The following ARHGEF3 variants were observed in gnomAD, a reference collection of about 807,000 sequenced individuals.
ARHGEF3 encodes Rho guanine nucleotide exchange factor 3.
ARHGEF3 carries 28 observed loss-of-function variants against 63.2 expected under a neutral mutation model. The observed-to-expected ratio is 0.44, with a 90% CI of 0.33 to 0.61. The LOEUF (loss-of-function observed/expected upper bound fraction) is 0.61. ARHGEF3 is among the 20% of genes least tolerant of loss of function. The pLI is 0.03. For synonymous variants in ARHGEF3, 266 were observed against 254.2 expected, an observed-to-expected ratio of 1.05 and a Z score of -0.44; for missense variants, 533 against 659.3, an observed-to-expected ratio of 0.81 and a Z score of 2.10.
chr3:56,988,416 C>T (rs981366484), intron 2 of ARHGEF3, among the ~76,000 whole-genome samples: 1 of 151,948 alleles, frequency 6.6e-6, no homozygotes, highest in African/African-American at 2.4e-5. Flanking sequence ...CAAAGTGCTG[C>T]GATTACAGGC....
chr3:56,828,711 C>T (rs1470461979), intron 4 of ARHGEF3, among the ~76,000 whole-genome samples: 1 of 152,134 alleles, frequency 6.6e-6, no homozygotes, highest in East Asian at 1.9e-4. Context: ...AGAACTGACT[C>T]TGGTCCAGCA....
chr3:56,827,440 C>T (rs1005402552), intron 4 of ARHGEF3, among the ~76,000 whole-genome samples: 22 of 152,148 alleles, frequency 1.4e-4, no homozygotes, highest in Admixed American at 8.5e-4. Context: ...CACTTTCTTG[C>T]TTGTGACCTG....
intron 2 of ARHGEF3, chr3:57,035,080 A>G: frequency 2.0e-6 from 3 of 1,538,384 alleles, no homozygotes; most frequent in Non-Finnish European, 2.6e-6. Flanking sequence ...TTATTTGATT[A>G]TTTTTACCTT....
At chr3:56,998,876 C>T (rs765192532) in intron 2 of ARHGEF3, among the ~76,000 whole-genome samples, 1 of 152,180 alleles carries the variant, frequency 6.6e-6, no homozygotes, top group African/African-American at 2.4e-5. Context: ...CCTTTAAGCA[C>T]GTTTTGCTGT....
chr3:56,819,639 G>A (rs2038398561), intron 4 of ARHGEF3, among the ~76,000 whole-genome samples: 1 of 151,658 alleles, frequency 6.6e-6, no homozygotes, highest in African/African-American at 2.4e-5. Context: ...AGCCTCCTGA[G>A]TAGCTGGGAC....
At chr3:57,038,187 G>A (rs547343266) in intron 1 of ARHGEF3, among the ~76,000 whole-genome samples, 6 of 152,304 alleles carry the variant, frequency 3.9e-5, no homozygotes, top group South Asian at 4.1e-4. Flanking sequence ...TGTTTCTCCC[G>A]ACTGTGGCAT....
chr3:56,925,447 T>C (rs1315038640), intron 3 of ARHGEF3, among the ~76,000 whole-genome samples: 4 of 152,214 alleles, frequency 2.6e-5, no homozygotes, highest in African/African-American at 9.6e-5. Flanking sequence ...TATAGGACCA[T>C]GCCTTATACC....
At chr3:56,898,631 T>G (rs533164471) in intron 3 of ARHGEF3, 1 of 268,906 alleles carries the variant, frequency 3.7e-6, no homozygotes, top group East Asian at 1.4e-4. Flanking sequence ...GGGTGATCCC[T>G]GGAAGAACTG....
intron 4 of ARHGEF3, among the ~76,000 whole-genome samples, chr3:56,831,060 C>T (rs1487148388): frequency 6.6e-6 from 1 of 152,168 alleles, no homozygotes; most frequent in Admixed American, 6.5e-5. Context: ...AGATCTTGTC[C>T]CTCATGTTTG....
chr3:57,017,030 TCTCACACACA>T (rs1173325109), intron 2 of ARHGEF3, among the ~76,000 whole-genome samples: 72 of 67,800 alleles, frequency 1.1e-3, no homozygotes, highest in African/African-American at 2.9e-3. Context: ...TCTCTCTCTC[TCTCACACACA>T]CACACACACA....
intron 4 of ARHGEF3, among the ~76,000 whole-genome samples, chr3:56,817,743 T>C (rs2038324928): frequency 6.6e-6 from 1 of 152,188 alleles, no homozygotes; most frequent in African/African-American, 2.4e-5. Flanking sequence ...ATCACACAGC[T>C]ACTAAATAGC....
chr3:56,994,644 G>A lies in ARHGEF3; in HGVS notation c.63-35755C>T, dbSNP rs530782661. Among the ~76,000 whole-genome samples, 21 of 152,070 alleles carry A rather than the reference G, an allele frequency of 1.4e-4. No individual in the cohort carries two copies. The South Asian group carries it at 3.5e-3, about 26-fold the overall frequency. ...TTAATTGTCTCAAGATACTAGCAAC[G>A]GTATGGATGGGTAATCTTTTCATAT... is the stretch of plus-strand genomic sequence containing the variant. On this transcript the variant is annotated intron_variant, in intron 2 of 12. Transcript: ENST00000338458.
At chr3:56,792,112 A>AG (rs1308498320) in intron 1 of ARHGEF3, among the ~76,000 whole-genome samples, 3 of 141,878 alleles carry the variant, frequency 2.1e-5, no homozygotes, top group African/African-American at 8.8e-5. Context: ...TCAAAAAAAA[A>AG]AAAAAGAAAA....
At position 56,757,389 on chromosome 3, in the gene ARHGEF3, G is replaced by A. The variant is rs562533753; in HGVS notation, c.205-2238C>T. Among the ~76,000 whole-genome samples, 4 of 152,108 alleles carry A rather than the reference G, an allele frequency of 2.6e-5. No individual in the cohort carries two copies. The South Asian group carries it at 6.2e-4, about 24-fold the overall frequency. The stretch of plus-strand genomic sequence containing the variant: ...CTCAGGAGGCTGAGGCAGGAGAATC[G>A]CTTGAACCCAGGAGGCGGAGATTGC... On this transcript the variant is annotated intron_variant, in intron 2 of 9. Coordinates refer to ENST00000296315, the MANE Select transcript of ARHGEF3 (RefSeq NM_019555.3).
At chr3:56,806,521 TTC>T (rs761231798), upstream of ARHGEF3, among the ~76,000 whole-genome samples, 2 of 152,256 alleles carry the variant, frequency 1.3e-5, no homozygotes, top group African/African-American at 4.8e-5. Context: ...CCGGGCAGTG[TTC>T]CTTGCCAGCC....
At chr3:56,762,574 G>A (rs2035479879) in intron 2 of ARHGEF3, among the ~76,000 whole-genome samples, 2 of 152,160 alleles carry the variant, frequency 1.3e-5, no homozygotes, top group South Asian at 4.1e-4. Context: ...GATCTGATTT[G>A]TTAATGCCGC....
chr3:56,920,933 T>C (rs2042113967), intron 3 of ARHGEF3, among the ~76,000 whole-genome samples: 1 of 151,382 alleles, frequency 6.6e-6, no homozygotes, highest in Admixed American at 6.6e-5. Flanking sequence ...CGGGCACCTG[T>C]AGTCCCAGCT....
At chr3:56,856,931 C>T (rs888355783) in intron 4 of ARHGEF3, among the ~76,000 whole-genome samples, 1 of 152,150 alleles carries the variant, frequency 6.6e-6, no homozygotes, top group Admixed American at 6.5e-5. Flanking sequence ...AAATCCCTGG[C>T]ACACACTCTC....
intron 4 of ARHGEF3, among the ~76,000 whole-genome samples, chr3:56,877,348 C>G (rs2040619224): frequency 6.7e-6 from 1 of 149,576 alleles, no homozygotes; most frequent in Admixed American, 6.7e-5. Flanking sequence ...GTGAAAAATT[C>G]ATGAATAAAT....
Sources: allele counts gnomAD v4.1 joint callset (sites outside exome capture counted in the v4.1 genomes callset), GRCh38; gene constraint gnomAD v4.1.1; transcripts MANE v1.5; gene names NCBI Gene and HGNC (gene_info 2026-07-23, HGNC 2026-07-21).